Variants in TFE3 observed in about 807,000 individuals in gnomAD.
TFE3 encodes transcription factor binding to IGHM enhancer 3, also known as transcription factor E3.
TFE3 carries 5 observed loss-of-function variants against 35.0 expected under a neutral mutation model. The observed-to-expected ratio is 0.14, with a 90% CI of 0.07 to 0.30. TFE3 has a LOEUF of 0.30. Among genes scored for constraint, TFE3 ranks in the 10% least tolerant of loss-of-function variants. The pLI is 1.00. For synonymous variants in TFE3, 211 were observed against 215.6 expected (o/e 0.98, Z 0.18); for missense variants, 374 against 496.6 (o/e 0.75, Z 2.35).
intron 5 of TFE3, among the ~76,000 whole-genome samples, chrX:49,034,737 C>T (rs1449347440): frequency 1.8e-5 from 2 of 111,883 alleles, no homozygotes; most frequent in African/African-American, 6.5e-5. Context: ...ACATTCTATC[C>T]AAAATCTGGC....
rs2064715913 is a variant in TFE3 at position 49,034,254 on chromosome X, G to A, written c.886-3C>T. The A allele has an allele frequency of 8.7e-7, 1 of 1,154,228 alleles. No homozygotes were observed. The highest frequency in any genetic ancestry group is 1.2e-6 in the Non-Finnish European group (1 of 859,264). On this transcript the variant is annotated splice_region_variant and splice_polypyrimidine_tract_variant and intron_variant, in intron 5 of 9. Transcript: ENST00000315869. ...AGCAGATTCCCTGACACAGGCAGCTGGGGGCAGAGAGGGCAGAGAACCACC... is the reference window on the plus strand; with the variant it reads ...AGCAGATTCCCTGACACAGGCAGCTAGGGGCAGAGAGGGCAGAGAACCACC...
At chrX:49,032,846 T>A (rs1448605893) in intron 8 of TFE3, among the ~76,000 whole-genome samples, 2 of 111,534 alleles carry the variant, frequency 1.8e-5, no homozygotes, top group African/African-American at 6.5e-5. Flanking sequence ...AGCTAAATTT[T>A]TTTTATTTTT....
rs2064682514 is a variant in TFE3 at position 49,028,923 on chromosome X, G to GCT, written c.*1234_*1235insAG. 5.8e-6 allele frequency: 1 copy of GCT among 172,022 alleles called. No individual in the cohort carries two copies. Among genetic ancestry groups the GCT allele is most frequent in the African/African-American group, 3.0e-5 (1 of 33,515 alleles). 14.2% of individuals were successfully genotyped at this position (172,022 alleles called of 1,213,427 possible). On this transcript the variant is annotated 3_prime_UTR_variant, in exon 10 of 10. Coordinates refer to ENST00000315869, the MANE Select transcript of TFE3 (RefSeq NM_006521.6). Reference sequence around the variant, plus strand: ...CTGAAATGGGGTGATTCCTCCAAATGAAGAACTGGGTGGGGAACAGAGGTT... The same window carrying GCT: ...CTGAAATGGGGTGATTCCTCCAAATGCTAAGAACTGGGTGGGGAACAGAGGTT...
chrX:49,037,240 T>G (rs2064735502), intron 5 of TFE3, among the ~76,000 whole-genome samples: 1 of 111,412 alleles, frequency 9.0e-6, no homozygotes, highest in Admixed American at 9.6e-5. Flanking sequence ...GAGGCTGCAG[T>G]GAGCCAAGAT....
At chrX:49,042,464 T>C (rs1310656554) in intron 1 of TFE3, among the ~76,000 whole-genome samples, 2 of 111,218 alleles carry the variant, frequency 1.8e-5, no homozygotes, top group African/African-American at 6.6e-5. Flanking sequence ...CCCAGCTGGG[T>C]AGGCGGGCAG....
Position 49,033,447 on chromosome X carries a change from G to A in TFE3, c.1136+18C>T, listed in dbSNP as rs368263592. ...TGCCCCACCTCCCGCTGGCCTGAGG[G>A]TCCCAGCCCAGACTCACGGGTCACT... On this transcript the variant is annotated intron_variant, in intron 8 of 9. Transcript: ENST00000315869. The A allele has an allele frequency of 1.1e-4, 136 of 1,203,442 alleles. 1 individual carries two copies. In the East Asian group the frequency reaches 2.8e-3, roughly 25 times the overall value.
rs782746815 is a variant in TFE3, at chrX:49,038,218, G to C, written c.759C>G (p.Ile253Met). ...TTACCTCCTTCTCTGAGCTGGACCCGATGGTGAGCAGCGCCATGGGGCTGT... is the reference window on the plus strand; with the variant it reads ...TTACCTCCTTCTCTGAGCTGGACCCCATGGTGAGCAGCGCCATGGGGCTGT... ...APNSPMALLT[I>M]GSSSEKEIDD... The change falls in exon 4 of 10, where the codon ATC becomes ATG. Residue 253 changes from isoleucine (I) to methionine (M), a missense_variant. Coordinates refer to ENST00000315869, the MANE Select transcript of TFE3 (RefSeq NM_006521.6). 8.3e-7 allele frequency: 1 copy of C among 1,211,732 alleles called. No individual in the cohort carries two copies. Among genetic ancestry groups the C allele is most frequent in the Non-Finnish European group, 1.1e-6 (1 of 895,550 alleles).
chrX:49,040,131 G>A (rs190020406), intron 2 of TFE3, among the ~76,000 whole-genome samples: 1 of 110,190 alleles, frequency 9.1e-6, no homozygotes, highest in Non-Finnish European at 1.9e-5. Context: ...CCGCCCACCC[G>A]GGGACATGAG....
Position 49,042,192 on chromosome X carries a change from T to A in TFE3, c.116+919A>T, listed in dbSNP as rs782722034. Among the ~76,000 whole-genome samples, 13 of 111,298 alleles carry A rather than the reference T, an allele frequency of 1.2e-4. No homozygotes were observed. In the South Asian group the frequency reaches 3.4e-3, roughly 29 times the overall value. On this transcript the variant is annotated intron_variant, in intron 1 of 9. Transcript: ENST00000315869. ...GCAATCTGTACTCGTTCCAGCTCTA[T>A]GGACAGATTCAAGATTACCCCCAGG...
At position 49,043,272 on chromosome X, in the gene TFE3, C is replaced by A. The variant is rs782316429; in HGVS notation, c.-46G>T. 1.0e-6 allele frequency: 1 copy of A among 988,794 alleles called. No individual in the cohort carries two copies. The highest frequency in any genetic ancestry group is 1.9e-5 in the African/African-American group (1 of 51,285). The allele number at this position is 988,794 out of a possible 1,213,427, so 81.5% of individuals were successfully genotyped here. The stretch of plus-strand genomic sequence containing the variant: ...CCCTGCCAGGCCGGTCGGGCCTCGG[C>A]CCGGTCCCCCTAACAAAATAAGAGT... On this transcript the variant is annotated 5_prime_UTR_variant, in exon 1 of 10. Coordinates refer to ENST00000315869, the MANE Select transcript of TFE3 (RefSeq NM_006521.6).
intron 6 of TFE3, 139 bp downstream of exon 6, chrX:49,033,995 G>T (rs1233002773): frequency 6.4e-6 from 4 of 621,076 alleles, no homozygotes; most frequent in Non-Finnish European, 1.0e-5. Context: ...CAAGCCATAG[G>T]GGGAAAGGGG....
chrX:49,034,781 TCACTCTGATCAAGTTGTACCATCTTC>T (rs1295049968), intron 5 of TFE3, among the ~76,000 whole-genome samples: 5 of 112,038 alleles, frequency 4.5e-5, no homozygotes, highest in African/African-American at 9.7e-5. Flanking sequence ...CTCCAGTCTT[TCACTCTGATCAAGTTGTACCATCTTC>T]CACTCTGATC....
At chrX:49,037,422 C>T (rs782183904) in intron 5 of TFE3, among the ~76,000 whole-genome samples, 6 of 111,718 alleles carry the variant, frequency 5.4e-5, no homozygotes, top group East Asian at 2.8e-4. Flanking sequence ...TCATCTCGGC[C>T]GGGTGTGGTG....
rs1557073263 is a variant in TFE3 at position 49,029,633 on chromosome X, C to A, written c.*525G>T. ...ACTTCTGTTCCTTGCCTGGGCAGAG[C>A]AGGGCAGGGTTCATGGGGAAGGGGC... On this transcript the variant is annotated 3_prime_UTR_variant, in exon 10 of 10. Coordinates refer to ENST00000315869, the MANE Select transcript of TFE3 (RefSeq NM_006521.6). 1 of 402,811 alleles carries A rather than the reference C, an allele frequency of 2.5e-6. No homozygotes were observed. Among genetic ancestry groups the A allele is most frequent in the Admixed American group, 2.5e-5 (1 of 40,125 alleles). 33.2% of individuals were successfully genotyped at this position (402,811 alleles called of 1,213,427 possible). A position where few individuals can be genotyped will look rare whatever the true frequency, so the allele number is the denominator to read the frequency against.
At chrX:49,035,531 C>T (rs1221593166) in intron 5 of TFE3, among the ~76,000 whole-genome samples, 3 of 98,726 alleles carry the variant, frequency 3.0e-5, no homozygotes, top group African/African-American at 1.1e-4. Context: ...CTCAGCCTCC[C>T]GAGTAGCTGG....
chrX:49,038,929 C>T (rs59121676), intron 3 of TFE3, among the ~76,000 whole-genome samples, 178 bp downstream of exon 3: 9,391 of 110,401 alleles, frequency 0.085, 1,091 homozygotes, highest in African/African-American at 0.3. Flanking sequence ...AAGATCATCT[C>T]AGAAACCCAA....
chrX:49,034,041 C>T, intron 6 of TFE3, 93 bp downstream of exon 6: 3 of 787,169 alleles, frequency 3.8e-6, no homozygotes, highest in Non-Finnish European at 5.8e-6. Flanking sequence ...CCAAACCATT[C>T]CCCTCAGAAT....
At position 49,039,341 on chromosome X, in the gene TFE3, G is replaced by A; in HGVS notation, c.300C>T (p.Gly100=). The stretch of plus-strand genomic sequence containing the variant: ...ATGACGACATGGCAGGGGTCCTGGA[G>A]CCCCCTGCAGAAGACGATGCAGAGA... ...ATLSASSSAG[G]SRTPAMSSSS... is the part of the protein sequence containing the mutation. Residue 100 remains glycine (G), a synonymous_variant, in exon 3 of 10, where the codon GGC becomes GGT. Transcript: ENST00000315869. 8.3e-7 allele frequency: 1 copy of A among 1,207,376 alleles called. No homozygotes were observed. The highest frequency in any genetic ancestry group is 1.7e-5 in the African/African-American group (1 of 57,854).
At chrX:49,040,343 C>A in intron 2 of TFE3, 112 bp downstream of exon 2, 1 of 549,075 alleles carries the variant, frequency 1.8e-6, no homozygotes, top group Admixed American at 3.3e-5. Flanking sequence ...ACCTAGAAAA[C>A]GCAGGCTGGT....
Sources: gnomAD v4.1 joint callset for allele counts (sites outside exome capture counted in the v4.1 genomes callset) on GRCh38, gnomAD v4.1.1 for gene constraint, MANE v1.5 for transcripts, NCBI Gene and HGNC (gene_info 2026-07-23, HGNC 2026-07-21) for gene names.